Variants in PTPN9 observed in about 807,000 individuals in gnomAD.
The protein encoded by PTPN9 is protein tyrosine phosphatase non-receptor type 9, also known as tyrosine-protein phosphatase non-receptor type 9.
PTPN9 carries 26 observed loss-of-function variants against 69.8 expected under a neutral mutation model. That is an observed-to-expected ratio of 0.37 (90% CI 0.27 to 0.52). The LOEUF is 0.52. Ranked by LOEUF, PTPN9 falls within the 20% of genes least tolerant of loss-of-function variation. PTPN9 has a pLI of 0.91. For missense variants in PTPN9, 549 were observed against 740.3 expected (o/e 0.74, Z 3.00); for synonymous variants, 274 against 272.5 (o/e 1.01, Z -0.05).
intron 1 of PTPN9, among the ~76,000 whole-genome samples, chr15:75,559,768 C>CGA (rs754319066): frequency 2.1e-5 from 2 of 95,076 alleles, no homozygotes; most frequent in African/African-American, 7.0e-5. Flanking sequence ...GAATGGTCAA[C>CGA]AAAAAAAAAA....
At chr15:75,486,449 G>A (rs1595949640) in intron 8 of PTPN9, among the ~76,000 whole-genome samples, 1 of 152,150 alleles carries the variant, frequency 6.6e-6, no homozygotes, top group Non-Finnish European at 1.5e-5. Context: ...TATGAACCAA[G>A]AAAGGGGCCC....
At chr15:75,567,018 CTTT>C (rs1328027375) in intron 1 of PTPN9, among the ~76,000 whole-genome samples, 1 of 137,798 alleles carries the variant, frequency 7.3e-6, no homozygotes. Flanking sequence ...CATTTTTTTT[CTTT>C]TTTTTTTTTT....
chr15:75,540,129 A>G (rs2075001992), intron 1 of PTPN9, among the ~76,000 whole-genome samples: 1 of 152,250 alleles, frequency 6.6e-6, no homozygotes, highest in Non-Finnish European at 1.5e-5. Context: ...TTTGAAGGAA[A>G]GCATCAGAAA....
intron 1 of PTPN9, among the ~76,000 whole-genome samples, chr15:75,530,824 ATAAT>A (rs2074959947): frequency 9.9e-6 from 1 of 100,554 alleles, no homozygotes; most frequent in Admixed American, 1.7e-4. Flanking sequence ...ATAATATAAT[ATAAT>A]ATATATTATA....
chr15:75,485,215 C>T (rs557066491), intron 8 of PTPN9, among the ~76,000 whole-genome samples: 13 of 152,066 alleles, frequency 8.5e-5, no homozygotes, highest in Non-Finnish European at 1.3e-4. Flanking sequence ...CAACCTGGCA[C>T]ATGCAAATGG....
chr15:75,573,688 C>G (rs972719966), intron 1 of PTPN9, among the ~76,000 whole-genome samples: 1 of 152,132 alleles, frequency 6.6e-6, no homozygotes, highest in African/African-American at 2.4e-5. Flanking sequence ...CAAGTATTTC[C>G]GTAAGTGCCA....
intron 6 of PTPN9, among the ~76,000 whole-genome samples, chr15:75,506,571 G>A (rs991802910): frequency 3.3e-5 from 5 of 152,022 alleles, no homozygotes; most frequent in Admixed American, 6.6e-5. Context: ...GTGTAGTGGC[G>A]TGATGAAGGC....
chr15:75,544,321 C>A (rs188607700), intron 1 of PTPN9, among the ~76,000 whole-genome samples: 1 of 152,142 alleles, frequency 6.6e-6, no homozygotes, highest in African/African-American at 2.4e-5. Context: ...TCGTTTGAGC[C>A]CAGGAATTTG....
At chr15:75,495,576 G>A (rs1188035909) in intron 7 of PTPN9, among the ~76,000 whole-genome samples, 1 of 151,988 alleles carries the variant, frequency 6.6e-6, no homozygotes, top group East Asian at 1.9e-4. Flanking sequence ...CATTAGCTGG[G>A]CAAGGTGGCA....
In PTPN9 at chr15:75,527,097, G is replaced by A. The variant is rs780536491; in HGVS notation, c.207+21C>T. The A allele has an allele frequency of 4.3e-6, 7 of 1,613,978 alleles. No homozygotes were observed. The South Asian group carries it at 7.7e-5, about 18-fold the overall frequency. On this transcript the variant is annotated intron_variant, in intron 2 of 12. Coordinates refer to ENST00000618819, the MANE Select transcript of PTPN9 (RefSeq NM_002833.4). ...ACTTAACCCAACTGCCACAGGTCTG[G>A]TCTACCCCTGAGCCACATACTCTGT...
chr15:75,504,096 C>T (rs1595955240), intron 7 of PTPN9, among the ~76,000 whole-genome samples: 2 of 104,600 alleles, frequency 1.9e-5, no homozygotes, highest in Admixed American at 9.2e-5. Flanking sequence ...CAGCACCCCG[C>T]CCGGACAGCC....
intron 1 of PTPN9, among the ~76,000 whole-genome samples, chr15:75,559,178 G>A (rs992663188): frequency 7.6e-4 from 115 of 150,822 alleles, no homozygotes; most frequent in Non-Finnish European, 1.3e-3. Flanking sequence ...CTGCCCGGCC[G>A]CCCCGTCTAA....
chr15:75,559,705 C>T (rs1220234353), intron 1 of PTPN9, among the ~76,000 whole-genome samples: 2 of 148,800 alleles, frequency 1.3e-5, no homozygotes, highest in African/African-American at 5.0e-5. Context: ...CTGACCTTCC[C>T]TCCACTATTG....
intron 1 of PTPN9, among the ~76,000 whole-genome samples, chr15:75,530,439 TA>T (rs2074950613): frequency 1.9e-5 from 2 of 106,558 alleles, no homozygotes; most frequent in South Asian, 4.9e-4. Context: ...TAATATATAA[TA>T]TATTATTATT....
At chr15:75,496,918 A>G (rs548513748) in intron 7 of PTPN9, among the ~76,000 whole-genome samples, 1 of 152,272 alleles carries the variant, frequency 6.6e-6, no homozygotes, top group South Asian at 2.1e-4. Flanking sequence ...GGAATTTGCT[A>G]TTTATTTTGT....
At position 75,524,118 on chromosome 15, in the gene PTPN9, A is replaced by T. The variant is rs568887291; in HGVS notation, c.297+91T>A. ...CTTAAAGTATAATAATAATAAAATT[A>T]AAAAAAAAAAAAAAAAAACAAAGTC... On this transcript the variant is annotated intron_variant, in intron 3 of 12. Coordinates refer to ENST00000618819, the MANE Select transcript of PTPN9 (RefSeq NM_002833.4). 161 of 78,612 alleles carry T rather than the reference A, an allele frequency of 2.0e-3. 5 individuals carry two copies. The highest frequency in any genetic ancestry group is 1.1e-3 in the East Asian group (3 of 2,778). The allele number at this position is 78,612 out of a possible 1,614,324, so 4.9% of individuals were successfully genotyped here.
chr15:75,498,371 T>C (rs973643882), intron 7 of PTPN9, among the ~76,000 whole-genome samples: 3 of 151,884 alleles, frequency 2.0e-5, no homozygotes, highest in African/African-American at 7.3e-5. Context: ...AGATTAGTGG[T>C]TGCAGGGGTT....
At chr15:75,532,024 A>G (rs944966761) in intron 1 of PTPN9, among the ~76,000 whole-genome samples, 4 of 152,212 alleles carry the variant, frequency 2.6e-5, no homozygotes, top group Non-Finnish European at 4.4e-5. Context: ...CAACGGATAA[A>G]TCAATGTATA....
Position 75,467,066 on chromosome 15 carries a change from A to AGCTCCTGGACCCCCTC in PTPN9, c.*1687_*1702dup. The AGCTCCTGGACCCCCTC allele has an allele frequency of 6.6e-6, 1 of 152,438 alleles. No individual in the cohort carries two copies. Among genetic ancestry groups the AGCTCCTGGACCCCCTC allele is most frequent in the Admixed American group, 6.5e-5 (1 of 15,288 alleles). 9.4% of individuals were successfully genotyped at this position (152,438 alleles called of 1,614,324 possible). ...CTGCCTCCCTCATCCCTCCCAGACCAGCTCCTGGACCCCCTCCCTCATGTC... is the reference window on the plus strand; with the variant it reads ...CTGCCTCCCTCATCCCTCCCAGACCAGCTCCTGGACCCCCTCGCTCCTGGACCCCCTCCCTCATGTC... On this transcript the variant is annotated 3_prime_UTR_variant, in exon 13 of 13. Coordinates refer to ENST00000618819, the MANE Select transcript of PTPN9 (RefSeq NM_002833.4).
Sources: allele counts gnomAD v4.1 joint callset (sites outside exome capture counted in the v4.1 genomes callset), GRCh38; gene constraint gnomAD v4.1.1; transcripts MANE v1.5; gene names NCBI Gene and HGNC (gene_info 2026-07-23, HGNC 2026-07-21).